KCNN4: variants seen among roughly 807,000 people sequenced by gnomAD.
KCNN4 encodes the protein potassium calcium-activated channel subfamily N member 4.
In KCNN4, 31 loss-of-function variants were observed where a neutral mutation model predicts 45.2. The observed-to-expected ratio is 0.69, with a 90% CI of 0.52 to 0.92. The LOEUF (loss-of-function observed/expected upper bound fraction) is 0.92, where lower values mean the gene tolerates loss of function less well. KCNN4 is among the 40% of genes least tolerant of loss of function. KCNN4 has a pLI of 0.00. For synonymous variants in KCNN4, 231 were observed against 254.6 expected (o/e 0.91, Z 0.88); for missense variants, 463 against 574.0 (o/e 0.81, Z 1.98).
In KCNN4 at chr19:43,774,020, C is replaced by G. The variant is rs73567414; in HGVS notation, c.683+172G>C. Among the ~76,000 whole-genome samples, 7,598 of 152,182 alleles carry G rather than the reference C, an allele frequency of 0.05. 593 individuals carry two copies. The highest frequency in any genetic ancestry group is 0.17 in the African/African-American group (7,083 of 41,508). On this transcript the variant is annotated intron_variant, in intron 3 of 8. Coordinates refer to ENST00000648319, the MANE Select transcript of KCNN4 (RefSeq NM_002250.3). This position sits in a 1 kb window ranked among gnomAD's most constrained non-coding sequence, Gnocchi z 5.6. ...GGGCTTGTCTGTTGGTTCCTCTCAC[C>G]CCAGTTGATGGGAGTGTGGGCAAAT...
Position 43,774,122 on chromosome 19 carries a change from CGCGGCACAGGACG to C in KCNN4, c.683+57_683+69del. On this transcript the variant is annotated intron_variant, in intron 3 of 8. Coordinates refer to ENST00000648319, the MANE Select transcript of KCNN4 (RefSeq NM_002250.3). This position sits in a 1 kb window ranked among gnomAD's most constrained non-coding sequence, Gnocchi z 5.6. ...GGTCCTAGGGGGCCTCAACCTGCACCGCGGCACAGGACGGCCGCCGTGGCTGTCCGGGGTTCCC... is the reference window on the plus strand; with the variant it reads ...GGTCCTAGGGGGCCTCAACCTGCACCGCCGCCGTGGCTGTCCGGGGTTCCC... 6.8e-7 allele frequency: 1 copy of C among 1,472,818 alleles called. No homozygotes were observed. The highest frequency in any genetic ancestry group is 1.4e-5 in the African/African-American group (1 of 71,954). The allele number at this position is 1,472,818 out of a possible 1,614,324, so 91.2% of individuals were successfully genotyped here.
chr19:43,767,454 TC>T (rs1440887383), intron 8 of KCNN4, 85 bp downstream of exon 8: 10 of 1,475,864 alleles, frequency 6.8e-6, no homozygotes, highest in Non-Finnish European at 9.1e-6. Context: ...CTCCCAGCCA[TC>T]CCCCGCCCCC....
Position 43,769,568 on chromosome 19 carries a change from T to C in KCNN4, c.931-8A>G, listed in dbSNP as rs775513020. 1.4e-5 allele frequency: 22 copies of C among 1,611,262 alleles called. No homozygotes were observed. The highest frequency in any genetic ancestry group is 2.2e-5 in the East Asian group (1 of 44,848). On this transcript the variant is annotated splice_polypyrimidine_tract_variant and splice_region_variant and intron_variant, in intron 5 of 8. Coordinates refer to ENST00000648319, the MANE Select transcript of KCNN4 (RefSeq NM_002250.3). The surrounding 1 kb of genome is among the most constrained non-coding windows in gnomAD (Gnocchi z 4.4). ...GGCAGCGGACTCCTTCATCTGGGGGTGGGTGGCACAGTGTCCGTGGAGATA... is the reference window on the plus strand; with the variant it reads ...GGCAGCGGACTCCTTCATCTGGGGGCGGGTGGCACAGTGTCCGTGGAGATA...
intron 3 of KCNN4, among the ~76,000 whole-genome samples, chr19:43,773,513 C>T (rs1229301687): frequency 6.6e-6 from 1 of 152,160 alleles, no homozygotes; most frequent in Non-Finnish European, 1.5e-5. Flanking sequence ...GCTGGCCCTA[C>T]CCTCCAGGAT....
chr19:43,780,709 C>T lies in KCNN4; in HGVS notation c.153G>A (p.Gly51=). 6.2e-7 allele frequency: 1 copy of T among 1,612,114 alleles called. No individual in the cohort carries two copies. Among genetic ancestry groups the T allele is most frequent in the Non-Finnish European group, 8.5e-7 (1 of 1,179,128 alleles). The change falls in exon 1 of 9, where the codon GGG becomes GGA. Residue 51 remains glycine, a synonymous_variant. Coordinates refer to ENST00000648319, the MANE Select transcript of KCNN4 (RefSeq NM_002250.3). ...GCCACCATGCCCCACTCACCGAGCA[C>T]CCCCCGAACCACAGCATCTCTGCAT... ...VLHAEMLWFG[G]CSWALYLFLV... is the part of the protein sequence containing the mutation.
chr19:43,769,038 GGAA>G lies in KCNN4; in HGVS notation c.1050-9_1050-7del, dbSNP rs1378056787. On this transcript the variant is annotated splice_polypyrimidine_tract_variant and splice_region_variant and intron_variant, in intron 6 of 8. Transcript: ENST00000648319. This position sits in a 1 kb window ranked among gnomAD's most constrained non-coding sequence, Gnocchi z 4.4. Reference sequence around the variant, plus strand: ...TCAGCCGCACCTGGCGGAACCTGTGGGAAGAAGTGGGGAGTCAGTTTTACAAGC... The same window carrying G: ...TCAGCCGCACCTGGCGGAACCTGTGGGAAGTGGGGAGTCAGTTTTACAAGC... The G allele has an allele frequency of 1.2e-6, 2 of 1,613,982 alleles. 1 individual carries two copies. The highest frequency in any genetic ancestry group is 3.3e-5 in the Admixed American group (2 of 60,002).
chr19:43,778,005 C>A (rs1364790786), intron 1 of KCNN4, among the ~76,000 whole-genome samples: 1 of 152,090 alleles, frequency 6.6e-6, no homozygotes, highest in South Asian at 2.1e-4. Flanking sequence ...TTCTATGGCT[C>A]CCTGGTTCCC....
intron 1 of KCNN4, among the ~76,000 whole-genome samples, chr19:43,779,341 T>A (rs1969907325): frequency 1.3e-5 from 2 of 152,044 alleles, no homozygotes; most frequent in African/African-American, 4.8e-5. Flanking sequence ...CCTGTTGGCA[T>A]GGACTTCGGC....
chr19:43,774,342 G>A lies in KCNN4; in HGVS notation c.533C>T (p.Ser178Phe). 6.2e-7 allele frequency: 1 copy of A among 1,610,558 alleles called. No homozygotes were observed. The highest frequency in any genetic ancestry group is 1.1e-5 in the South Asian group (1 of 90,496). Residue 178 changes from serine (S) to phenylalanine (F), a missense_variant, in exon 3 of 9, where the codon TCC (serine) becomes TTC (phenylalanine). By Grantham distance (155) the Ser-to-Phe change is radical (BLOSUM62 -2). Around this residue, in one of 3 missense-constraint regions of KCNN4, gnomAD observed 225 missense variants for 240.9 expected, o/e 0.93. Coordinates refer to ENST00000648319, the MANE Select transcript of KCNN4 (RefSeq NM_002250.3). This position sits in a 1 kb window ranked among gnomAD's most constrained non-coding sequence, Gnocchi z 5.6. ...ATTGAGAGCGCCGATGCTGCGGTAG[G>A]AAGCGTTGAGCAGGACGCCGCTGCG... ...LLRSGVLLNA[S>F]YRSIGALNQV... is the part of the protein sequence containing the mutation.
intron 4 of KCNN4, among the ~76,000 whole-genome samples, chr19:43,770,232 G>A (rs985609589): frequency 5.3e-5 from 8 of 152,058 alleles, no homozygotes; most frequent in East Asian, 3.9e-4. Flanking sequence ...CTCCTGGACC[G>A]TCTCCAGCCT....
chr19:43,774,519 G>T lies in KCNN4; in HGVS notation c.356C>A (p.Pro119Gln). The change falls in exon 3 of 9, where the codon CCG becomes CAG. Residue 119 changes from proline to glutamine, a missense_variant. Physicochemically the swap from Pro to Gln is moderately conservative, Grantham distance 76. Transcript: ENST00000648319. This position sits in a 1 kb window ranked among gnomAD's most constrained non-coding sequence, Gnocchi z 5.6. The stretch of plus-strand genomic sequence containing the variant: ...GCACGGCGGGCCCCGCACGGGCGCC[G>T]GGTGCAGCCCACACACCACCAGCTC... ...VLELVVCGLH[P>Q]APVRGPPCVQ... 2 of 1,596,884 alleles carry T rather than the reference G, an allele frequency of 1.3e-6. No homozygotes were observed. The highest frequency in any genetic ancestry group is 1.7e-6 in the Non-Finnish European group (2 of 1,175,564).
chr19:43,772,398 C>T lies in KCNN4; in HGVS notation c.684-263G>A, dbSNP rs148237984. On this transcript the variant is annotated intron_variant, in intron 3 of 8. Transcript: ENST00000648319. The surrounding 1 kb of genome is among the most constrained non-coding windows in gnomAD (Gnocchi z 4.4). ...GATTTGAGACTGGGTCTGGCCAATC[C>T]CAATGCCGGTATGGTCTCAGCTAGG... Among the ~76,000 whole-genome samples the T allele has an allele frequency of 1.2e-4, 19 of 152,272 alleles. No homozygotes were observed. Among genetic ancestry groups the T allele is most frequent in the African/African-American group, 4.3e-4 (18 of 41,544 alleles).
At chr19:43,778,223 G>C (rs1292084093) in intron 1 of KCNN4, among the ~76,000 whole-genome samples, 1 of 146,046 alleles carries the variant, frequency 6.8e-6, no homozygotes, top group Non-Finnish European at 1.5e-5. Flanking sequence ...TATGTGTTTT[G>C]AGGGTCTTTG....
rs776039339 is a variant in KCNN4, at chr19:43,772,166, C to T, written c.684-31G>A. 5 of 1,610,176 alleles carry T rather than the reference C, an allele frequency of 3.1e-6. No individual in the cohort carries two copies. The South Asian group carries it at 5.5e-5, about 18-fold the overall frequency. ...GGGAAGGGTAGGTTAGTTCTAAAAC[C>T]CCACCATAGAGGTTTCCATGATATT... On this transcript the variant is annotated intron_variant, in intron 3 of 8. Coordinates refer to ENST00000648319, the MANE Select transcript of KCNN4 (RefSeq NM_002250.3). The surrounding 1 kb of genome is among the most constrained non-coding windows in gnomAD (Gnocchi z 4.4).
Position 43,769,848 on chromosome 19 carries a change from C to T in KCNN4, c.820-19G>A, listed in dbSNP as rs1298829084. On this transcript the variant is annotated intron_variant, in intron 4 of 8. Transcript: ENST00000648319. This position sits in a 1 kb window ranked among gnomAD's most constrained non-coding sequence, Gnocchi z 4.4. ...AGACACCCTGTGGGCACAGCAGGCA[C>T]CGTGGCATGAGGCTGTGCCACCGAC... 5.1e-6 allele frequency: 8 copies of T among 1,581,900 alleles called. No individual in the cohort carries two copies. The Admixed American group carries it at 5.1e-5, about 10-fold the overall frequency.
chr19:43,770,138 A>T (rs1265142932), intron 4 of KCNN4, among the ~76,000 whole-genome samples: 2 of 152,052 alleles, frequency 1.3e-5, no homozygotes, highest in African/African-American at 4.8e-5. Context: ...CTCAGTGCTC[A>T]TGTGGTCAGC....
Position 43,774,474 on chromosome 19 carries a change from G to T in KCNN4, c.401C>A (p.Pro134Gln), listed in dbSNP as rs1166888655. ...GPPCVQDLGA[P>Q]LTSPQPWPGF... ...CGGCCAGGGCTGCGGGGAGGTCAGC[G>T]GCGCCCCTAAATCCTGCACGCACGG... The change falls in exon 3 of 9, where the codon CCG (proline) becomes CAG (glutamine). Residue 134 changes from proline (P) to glutamine (Q), a missense_variant. Transcript: ENST00000648319. The surrounding 1 kb of genome is among the most constrained non-coding windows in gnomAD (Gnocchi z 5.6). The T allele has an allele frequency of 1.3e-6, 2 of 1,595,620 alleles. No homozygotes were observed. The highest frequency in any genetic ancestry group is 1.3e-5 in the African/African-American group (1 of 74,714).
intron 1 of KCNN4, among the ~76,000 whole-genome samples, chr19:43,777,959 GAAC>G (rs902958924): frequency 5.9e-5 from 9 of 152,166 alleles, no homozygotes; most frequent in African/African-American, 1.9e-4. Context: ...CCCCCTATCA[GAAC>G]AATAGTGCTG....
At chr19:43,773,376 A>G (rs1477546678) in intron 3 of KCNN4, among the ~76,000 whole-genome samples, 1 of 152,224 alleles carries the variant, frequency 6.6e-6, no homozygotes, top group Non-Finnish European at 1.5e-5. Context: ...CTCAGAGAGG[A>G]GAGATCTAAA....
Sources: allele counts gnomAD v4.1 joint callset (sites outside exome capture counted in the v4.1 genomes callset), GRCh38; gene constraint gnomAD v4.1.1; regional missense constraint gnomAD v4.1.1; non-coding constraint Gnocchi (gnomAD v3.1); transcripts MANE v1.5; gene names NCBI Gene and HGNC (gene_info 2026-07-23, HGNC 2026-07-21).